The following METTL24 variants were observed in gnomAD, a reference collection of about 807,000 sequenced individuals.
METTL24 encodes probable methyltransferase-like protein 24.
In METTL24, 29 loss-of-function variants were observed where a neutral mutation model predicts 32.7. The observed-to-expected ratio is 0.89, with a 90% CI of 0.66 to 1.21. The LOEUF (loss-of-function observed/expected upper bound fraction) is 1.21. METTL24 is among the 50% of genes most tolerant of loss of function. The pLI is 0.00. For synonymous variants in METTL24, 163 were observed against 179.5 expected, an observed-to-expected ratio of 0.91 and a Z score of 0.73; for missense variants, 439 against 468.1, an observed-to-expected ratio of 0.94 and a Z score of 0.57.
At chr6:110,311,688 T>C (rs1771726893) in intron 3 of METTL24, among the ~76,000 whole-genome samples, 1 of 151,866 alleles carries the variant, frequency 6.6e-6, no homozygotes. Flanking sequence ...TGGCCAGGCT[T>C]GTCTCGAACT....
Position 110,246,078 on chromosome 6 carries a change from C to T in METTL24, c.969G>A (p.Glu323=), listed in dbSNP as rs755985946. ...VVRFWYSLLK[E]LEQKDFRLFH... ...AAAGCCTGAAATCCTTTTGTTCTAA[C>T]TCTTTGAGAAGGCTGTACCAGAACC... Residue 323 remains glutamate, a synonymous_variant, in exon 5 of 5, where the codon GAG becomes GAA. Coordinates refer to ENST00000338882, the MANE Select transcript of METTL24 (RefSeq NM_001123364.3). 1.7e-5 allele frequency: 27 copies of T among 1,614,068 alleles called. No homozygotes were observed. In the Admixed American group the frequency reaches 4.3e-4, roughly 26 times the overall value.
At chr6:110,322,618 G>GT (rs1373962785) in intron 2 of METTL24, 156 bp downstream of exon 2, 2 of 528,084 alleles carry the variant, frequency 3.8e-6, no homozygotes, top group Non-Finnish European at 6.8e-6. Context: ...CTGCCTCCAA[G>GT]TGAGTGGATG....
At chr6:110,324,711 G>A (rs549835281) in intron 1 of METTL24, among the ~76,000 whole-genome samples, 1 of 152,362 alleles carries the variant, frequency 6.6e-6, no homozygotes, top group South Asian at 2.1e-4. Context: ...AGAGACTCTA[G>A]TAAGAGAGCT....
intron 2 of METTL24, 106 bp from the exon 3 acceptor site, chr6:110,315,587 T>C (rs1771805404): frequency 8.1e-7 from 1 of 1,233,084 alleles, no homozygotes; most frequent in African/African-American, 1.5e-5. Context: ...AGGAAAGTTA[T>C]AATCTCCTCC....
At chr6:110,312,113 T>A (rs1242921875) in intron 3 of METTL24, among the ~76,000 whole-genome samples, 1 of 152,206 alleles carries the variant, frequency 6.6e-6, no homozygotes, top group African/African-American at 2.4e-5. Flanking sequence ...TCAGCCTCAC[T>A]AATCATCAGG....
chr6:110,322,817 T>G lies in METTL24; in HGVS notation c.374A>C (p.Asp125Ala), dbSNP rs1771951653. 2 of 1,613,812 alleles carry G rather than the reference T, an allele frequency of 1.2e-6. No individual in the cohort carries two copies. The highest frequency in any genetic ancestry group is 2.7e-5 in the African/African-American group (2 of 74,898). The change falls in exon 2 of 5, where the codon GAT becomes GCT. Residue 125 changes from aspartate to alanine, a missense_variant. Asp to Ala is a moderately radical substitution (Grantham distance 126, BLOSUM62 -2). Transcript: ENST00000338882. ...QPWAGSAQSL[D>A]EEAWRFLRYI... ...TCTCAGGAACCTCCAGGCTTCTTCA[T>G]CCAGGGACTGAGCAGAGCCTGCCCA... is the stretch of plus-strand genomic sequence containing the variant.
intron 4 of METTL24, among the ~76,000 whole-genome samples, chr6:110,254,715 C>T (rs1778351395): frequency 6.6e-6 from 1 of 152,198 alleles, no homozygotes; most frequent in Non-Finnish European, 1.5e-5. Flanking sequence ...AATCAACATT[C>T]ATTCTCCATA....
intron 4 of METTL24, among the ~76,000 whole-genome samples, chr6:110,293,887 G>A (rs944032308): frequency 6.6e-6 from 1 of 151,446 alleles, no homozygotes; most frequent in Non-Finnish European, 1.5e-5. Flanking sequence ...TTTTTAAAGA[G>A]CTCTAATCTT....
intron 4 of METTL24, among the ~76,000 whole-genome samples, chr6:110,257,938 A>G (rs1056791447): frequency 2.0e-5 from 3 of 152,234 alleles, no homozygotes; most frequent in Non-Finnish European, 2.9e-5. Context: ...GCAAAAATGT[A>G]TGTCTGTGCA....
intron 4 of METTL24, among the ~76,000 whole-genome samples, chr6:110,253,421 C>T (rs1778320762): frequency 6.6e-6 from 1 of 152,130 alleles, no homozygotes; most frequent in African/African-American, 2.4e-5. Flanking sequence ...ATTCATTATG[C>T]AGCAATAGAT....
chr6:110,337,315 T>C (rs1191076758), intron 1 of METTL24, among the ~76,000 whole-genome samples: 1 of 152,134 alleles, frequency 6.6e-6, no homozygotes, highest in Non-Finnish European at 1.5e-5. Context: ...AAAATAACTA[T>C]TGGGTACTAG....
In METTL24 at chr6:110,289,310, A is replaced by G. The variant is rs944549805; in HGVS notation, c.786+9612T>C. 2.0e-5 allele frequency among the ~76,000 whole-genome samples: 3 copies of G among 152,356 alleles called. No individual in the cohort carries two copies. In the East Asian group the frequency reaches 5.8e-4, roughly 29 times the overall value. Reference sequence around the variant, plus strand: ...GACTAATTTTATTGAAAAATCTGACAAAAGTTTAAAATAAGTATGTTTAGG... The same window carrying G: ...GACTAATTTTATTGAAAAATCTGACGAAAGTTTAAAATAAGTATGTTTAGG... On this transcript the variant is annotated intron_variant, in intron 4 of 4. Coordinates refer to ENST00000338882, the MANE Select transcript of METTL24 (RefSeq NM_001123364.3).
Position 110,325,033 on chromosome 6 carries a change from C to T in METTL24, c.319-2161G>A, listed in dbSNP as rs191264700. ...ATCATAAATTATCAACACATTTAAACACAAATGCCTCCAGTCCTGCTTGGT... is the reference window on the plus strand; with the variant it reads ...ATCATAAATTATCAACACATTTAAATACAAATGCCTCCAGTCCTGCTTGGT... On this transcript the variant is annotated intron_variant, in intron 1 of 4. Transcript: ENST00000338882. Among the ~76,000 whole-genome samples, 574 of 152,280 alleles carry T rather than the reference C, an allele frequency of 3.8e-3. 4 individuals are homozygous for T. The highest frequency in any genetic ancestry group is 0.013 in the African/African-American group (529 of 41,554).
intron 1 of METTL24, among the ~76,000 whole-genome samples, chr6:110,323,245 C>A (rs1397766568): frequency 6.6e-6 from 1 of 152,234 alleles, no homozygotes; most frequent in East Asian, 1.9e-4. Flanking sequence ...CCCTTATCGA[C>A]GACAGTCTCC....
chr6:110,278,643 A>T (rs1450665506), intron 4 of METTL24, among the ~76,000 whole-genome samples: 1 of 152,210 alleles, frequency 6.6e-6, no homozygotes, highest in Non-Finnish European at 1.5e-5. Context: ...CTGCTTAAAA[A>T]TATGCTAAAA....
At chr6:110,333,268 C>T (rs550385624) in intron 1 of METTL24, among the ~76,000 whole-genome samples, 1 of 152,166 alleles carries the variant, frequency 6.6e-6, no homozygotes, top group East Asian at 1.9e-4. Context: ...TGCTTGGGAT[C>T]CTGAGTTGCT....
chr6:110,316,845 C>T (rs532782759), intron 2 of METTL24, among the ~76,000 whole-genome samples: 21 of 152,160 alleles, frequency 1.4e-4, no homozygotes, highest in African/African-American at 4.8e-4. Flanking sequence ...CATGATTGTG[C>T]CTCTACACTC....
chr6:110,356,353 G>A (rs1205959466), intron 1 of METTL24, among the ~76,000 whole-genome samples: 2 of 152,010 alleles, frequency 1.3e-5, no homozygotes, highest in African/African-American at 4.8e-5. Context: ...TGAGCCAGAA[G>A]AATCGCTTGA....
chr6:110,330,839 G>T (rs189937680), intron 1 of METTL24, among the ~76,000 whole-genome samples: 67 of 152,204 alleles, frequency 4.4e-4, no homozygotes, highest in African/African-American at 1.5e-3. Flanking sequence ...AACAAAACTC[G>T]GCCTTATAAT....
Sources: allele counts gnomAD v4.1 joint callset (sites outside exome capture counted in the v4.1 genomes callset), GRCh38; gene constraint gnomAD v4.1.1; transcripts MANE v1.5; gene names NCBI Gene and HGNC (gene_info 2026-07-23, HGNC 2026-07-21).